The following FHIT variants were observed in gnomAD, a reference collection of about 807,000 sequenced individuals.
FHIT encodes the protein bis(5'-adenosyl)-triphosphatase.
A neutral mutation model predicts 17.9 loss-of-function variants in FHIT; 19 were observed. The ratio of observed to expected loss-of-function variants is 1.06; its 90% CI spans 0.74 to 1.56. The LOEUF (loss-of-function observed/expected upper bound fraction) is 1.56. FHIT is among the 40% of genes most tolerant of loss of function. The probability of loss-of-function intolerance (pLI) is 0.00; values close to 1 mark genes in which losing one functional copy is unlikely to be tolerated. For synonymous variants in FHIT, 81 were observed against 69.7 expected, an observed-to-expected ratio of 1.16 and a Z score of -0.81; for missense variants, 248 against 189.2, an observed-to-expected ratio of 1.31 and a Z score of -1.82.
At chr3:60,567,031 T>C (rs202003590) in intron 4 of FHIT, among the ~76,000 whole-genome samples, 4 of 132,768 alleles carry the variant, frequency 3.0e-5, no homozygotes, top group African/African-American at 1.1e-4. Context: ...ATGGCCATAC[T>C]GCCCAAGGTA....
chr3:59,837,990 A>C (rs940095596), intron 8 of FHIT, among the ~76,000 whole-genome samples: 1 of 152,100 alleles, frequency 6.6e-6, no homozygotes, highest in Non-Finnish European at 1.5e-5. Flanking sequence ...AGTCATTGCC[A>C]CCATCACCAT....
chr3:60,706,878 C>T (rs1258807532), intron 4 of FHIT, among the ~76,000 whole-genome samples: 3 of 152,194 alleles, frequency 2.0e-5, no homozygotes, highest in Non-Finnish European at 4.4e-5. Flanking sequence ...AGTGAAGCAA[C>T]TTCCAAGTTA....
At chr3:60,830,209 T>C (rs1702283378) in intron 3 of FHIT, among the ~76,000 whole-genome samples, 1 of 152,172 alleles carries the variant, frequency 6.6e-6, no homozygotes, top group Non-Finnish European at 1.5e-5. Flanking sequence ...TATTTTTAAC[T>C]TCTGTTTGTT....
intron 5 of FHIT, among the ~76,000 whole-genome samples, chr3:60,118,776 G>T (rs1576139947): frequency 5.5e-5 from 1 of 18,206 alleles, no homozygotes; most frequent in African/African-American, 1.6e-4. Flanking sequence ...GGGGGCGGCG[G>T]GGGGGGGGGG....
chr3:60,177,282 C>G (rs1410970690), intron 5 of FHIT, among the ~76,000 whole-genome samples: 8 of 148,258 alleles, frequency 5.4e-5, no homozygotes, highest in Admixed American at 5.3e-4. Context: ...AAAAAAAAAG[C>G]TAGAAGAAGT....
At chr3:59,973,761 T>C (rs969882567) in intron 7 of FHIT, among the ~76,000 whole-genome samples, 4 of 152,138 alleles carry the variant, frequency 2.6e-5, no homozygotes, top group Admixed American at 6.6e-5. Flanking sequence ...ATTGAAGTTA[T>C]TTTGGGCCAA....
intron 3 of FHIT, among the ~76,000 whole-genome samples, chr3:60,910,321 CA>C (rs2107266131): frequency 6.6e-6 from 1 of 152,050 alleles, no homozygotes; most frequent in African/African-American, 2.4e-5. Context: ...ATGAAGACCA[CA>C]TGGAGAAGAG....
intron 7 of FHIT, among the ~76,000 whole-genome samples, chr3:59,943,924 G>A (rs538490517): frequency 1.6e-3 from 244 of 152,240 alleles, no homozygotes; most frequent in African/African-American, 5.5e-3. Context: ...TTCCTCATCC[G>A]TAAGAAAGGC....
intron 5 of FHIT, among the ~76,000 whole-genome samples, chr3:60,301,082 G>A (rs1708441910): frequency 6.6e-6 from 1 of 152,000 alleles, no homozygotes; most frequent in Non-Finnish European, 1.5e-5. Flanking sequence ...TTTCTCAGGA[G>A]ACTTATCTGT....
In FHIT at chr3:60,760,356, GC is replaced by G. The variant is rs1226135053; in HGVS notation, c.-18+61562del. ...CATGTGGAGGTTTCCTCCTGACTGA[GC>G]TTTGCTCAGTAAAACAGGAAGTAAG... On this transcript the variant is annotated intron_variant, in intron 4 of 9. Coordinates refer to ENST00000492590, the MANE Select transcript of FHIT (RefSeq NM_002012.4). 7.9e-5 allele frequency among the ~76,000 whole-genome samples: 12 copies of G among 152,326 alleles called. No homozygotes were observed. The East Asian group carries it at 2.3e-3, about 30-fold the overall frequency.
chr3:61,046,805 G>A (rs1427638468), intron 2 of FHIT, among the ~76,000 whole-genome samples: 2 of 152,126 alleles, frequency 1.3e-5, no homozygotes, highest in African/African-American at 4.8e-5. Flanking sequence ...CGATCAAGTT[G>A]GCTTCATCCC....
At chr3:60,493,349 A>T (rs143133436) in intron 5 of FHIT, among the ~76,000 whole-genome samples, 1 of 152,202 alleles carries the variant, frequency 6.6e-6, no homozygotes, top group Admixed American at 6.5e-5. Flanking sequence ...GGAAGATCAT[A>T]ACTCATTAAA....
At chr3:60,728,704 TACACACACACACAC>T (rs56012549) in intron 4 of FHIT, among the ~76,000 whole-genome samples, 2 of 147,306 alleles carry the variant, frequency 1.4e-5, no homozygotes, top group African/African-American at 5.0e-5. Context: ...CACACACACA[TACACACACACACAC>T]ACACACACAC....
At chr3:60,828,191 T>G (rs1049191981) in intron 3 of FHIT, among the ~76,000 whole-genome samples, 1 of 152,218 alleles carries the variant, frequency 6.6e-6, no homozygotes, top group Admixed American at 6.5e-5. Context: ...ACCTGGCACA[T>G]GATTAGAATT....
At chr3:60,496,821 A>T (rs926301138) in intron 5 of FHIT, among the ~76,000 whole-genome samples, 27 of 152,306 alleles carry the variant, frequency 1.8e-4, no homozygotes, top group African/African-American at 6.5e-4. Context: ...GGCTTCATTT[A>T]TTCATGTAGC....
chr3:60,611,751 G>A (rs1553673679), intron 4 of FHIT, among the ~76,000 whole-genome samples: 2 of 152,090 alleles, frequency 1.3e-5, no homozygotes, highest in African/African-American at 4.8e-5. Flanking sequence ...AGGATAAGAT[G>A]GCTAACAAAA....
intron 5 of FHIT, among the ~76,000 whole-genome samples, chr3:60,234,313 T>C (rs958190293): frequency 2.0e-5 from 3 of 152,240 alleles, no homozygotes. Flanking sequence ...CGGATTTCAT[T>C]TGAATTAAAC....
chr3:60,412,624 G>A (rs1438269031), intron 5 of FHIT, among the ~76,000 whole-genome samples: 2 of 152,012 alleles, frequency 1.3e-5, no homozygotes, highest in Non-Finnish European at 2.9e-5. Flanking sequence ...GCCATACCAG[G>A]AGGTAGCCCA....
At chr3:61,073,286 G>T (rs535434591) in intron 2 of FHIT, among the ~76,000 whole-genome samples, 36 of 152,138 alleles carry the variant, frequency 2.4e-4, no homozygotes, top group Non-Finnish European at 4.9e-4. Flanking sequence ...TCTTAATCAA[G>T]TAATGGAGAC....
Sources: allele counts gnomAD v4.1 joint callset (sites outside exome capture counted in the v4.1 genomes callset), GRCh38; gene constraint gnomAD v4.1.1; transcripts MANE v1.5; gene names NCBI Gene and HGNC (gene_info 2026-07-23, HGNC 2026-07-21).